Variants in CSMD2 observed in about 807,000 individuals in gnomAD.
The protein encoded by CSMD2 is CUB and Sushi multiple domains 2.
In CSMD2, 130 loss-of-function variants were observed where a neutral mutation model predicts 398.5. The observed-to-expected ratio is 0.33, with a 90% CI of 0.28 to 0.38. The LOEUF (loss-of-function observed/expected upper bound fraction) is 0.38, where lower values mean the gene tolerates loss of function less well. Ranked by LOEUF, CSMD2 falls within the 10% of genes least tolerant of loss-of-function variation. The pLI is 1.00. For missense variants in CSMD2, 3,829 were observed against 4,764.9 expected, an observed-to-expected ratio of 0.80 and a Z score of 5.78; for synonymous variants, 1,828 against 1,908.5, an observed-to-expected ratio of 0.96 and a Z score of 1.10.
At position 33,602,554 on chromosome 1, in the gene CSMD2, G is replaced by A. The variant is rs1387408603; in HGVS notation, c.6533-8C>T. The A allele has an allele frequency of 1.9e-6, 3 of 1,583,942 alleles. No individual in the cohort carries two copies. In the African/African-American group the frequency reaches 4.1e-5, roughly 21 times the overall value. On this transcript the variant is annotated splice_polypyrimidine_tract_variant and splice_region_variant and intron_variant, in intron 42 of 70. Transcript: ENST00000373381. The stretch of plus-strand genomic sequence containing the variant: ...TGTTCCCGCCACAAGGGACTGCCAG[G>A]GAGGGAACACAAACGTAAGTGCAGG...
intron 15 of CSMD2, among the ~76,000 whole-genome samples, chr1:33,734,452 G>A (rs1646818505): frequency 6.6e-6 from 1 of 152,038 alleles, no homozygotes; most frequent in South Asian, 2.1e-4. Context: ...TAATTCCCAG[G>A]CTCAAGCAAC....
intron 12 of CSMD2, among the ~76,000 whole-genome samples, chr1:33,774,963 G>T (rs1366645092): frequency 6.6e-6 from 1 of 152,188 alleles, no homozygotes; most frequent in African/African-American, 2.4e-5. Flanking sequence ...CTGCCCTCAA[G>T]AAATGAACAG....
chr1:33,794,642 G>A (rs1384638537), intron 10 of CSMD2, among the ~76,000 whole-genome samples: 1 of 152,194 alleles, frequency 6.6e-6, no homozygotes, highest in Non-Finnish European at 1.5e-5. Context: ...TAAAGTCAAC[G>A]GGGAGTTATG....
chr1:33,716,204 A>T, intron 20 of CSMD2, 82 bp downstream of exon 20: 1 of 1,187,762 alleles, frequency 8.4e-7, no homozygotes, highest in Non-Finnish European at 1.2e-6. Flanking sequence ...TCTATCTGCT[A>T]GGAAAACCAG....
chr1:33,842,216 A>G (rs1341048490), intron 6 of CSMD2, among the ~76,000 whole-genome samples: 1 of 152,172 alleles, frequency 6.6e-6, no homozygotes, highest in Non-Finnish European at 1.5e-5. Flanking sequence ...CTAACTAGCC[A>G]TGAGTCCAGT....
intron 2 of CSMD2, among the ~76,000 whole-genome samples, chr1:34,067,123 T>C (rs1655202896): frequency 6.6e-6 from 1 of 152,150 alleles, no homozygotes; most frequent in Non-Finnish European, 1.5e-5. Flanking sequence ...GGACTCCAGA[T>C]ACAAGCTCCC....
chr1:33,610,234 T>G (rs1640903761), intron 41 of CSMD2, among the ~76,000 whole-genome samples: 1 of 152,150 alleles, frequency 6.6e-6, no homozygotes, highest in Non-Finnish European at 1.5e-5. Flanking sequence ...AGATTTTTTT[T>G]TTTTTTTTTA....
At chr1:34,129,377 C>A (rs143529484) in intron 1 of CSMD2, among the ~76,000 whole-genome samples, 1 of 152,298 alleles carries the variant, frequency 6.6e-6, no homozygotes, top group African/African-American at 2.4e-5. Flanking sequence ...ATAGGCTGGG[C>A]GCAGTGGCTC....
chr1:33,728,008 G>T (rs1646595909), intron 15 of CSMD2, among the ~76,000 whole-genome samples: 1 of 152,210 alleles, frequency 6.6e-6, no homozygotes, highest in Non-Finnish European at 1.5e-5. Context: ...AAAATCCCCT[G>T]TGAGGTTGGT....
chr1:33,614,487 G>A lies in CSMD2; in HGVS notation c.6133+17C>T, dbSNP rs1369106694. ...TGGGCTTGAAGCCTGTCTCCTCTGG[G>A]GGCTGCAGAGACTTACCAAAGCCCA... On this transcript the variant is annotated intron_variant, in intron 40 of 70. Coordinates refer to ENST00000373381, the MANE Select transcript of CSMD2 (RefSeq NM_001281956.2). The A allele has an allele frequency of 1.4e-6, 2 of 1,385,730 alleles. No homozygotes were observed. Among genetic ancestry groups the A allele is most frequent in the Non-Finnish European group, 2.1e-6 (2 of 972,158 alleles). The allele number at this position is 1,385,730 out of a possible 1,614,324, so 85.8% of individuals were successfully genotyped here. A position where few individuals can be genotyped will look rare whatever the true frequency, so the allele number is the denominator to read the frequency against.
At chr1:34,148,498 C>A (rs908831083) in intron 1 of CSMD2, among the ~76,000 whole-genome samples, 1 of 151,978 alleles carries the variant, frequency 6.6e-6, no homozygotes, top group African/African-American at 2.4e-5. Flanking sequence ...GTAATTCATT[C>A]ATTCATTCAT....
intron 25 of CSMD2, among the ~76,000 whole-genome samples, chr1:33,689,735 G>A (rs966295410): frequency 1.1e-4 from 16 of 152,256 alleles, no homozygotes; most frequent in South Asian, 8.3e-4. Flanking sequence ...CTCTTTAGAC[G>A]ATGTGTGCCA....
intron 55 of CSMD2, among the ~76,000 whole-genome samples, chr1:33,552,548 A>G (rs942658036): frequency 2.0e-5 from 3 of 152,232 alleles, no homozygotes; most frequent in African/African-American, 7.2e-5. Context: ...TCATCTATCA[A>G]TTGTCGAATG....
At chr1:34,077,242 G>T (rs2148320592) in intron 2 of CSMD2, among the ~76,000 whole-genome samples, 1 of 151,796 alleles carries the variant, frequency 6.6e-6, no homozygotes, top group African/African-American at 2.4e-5. Context: ...TGGATCACAA[G>T]GTCAGGAGAT....
At chr1:33,827,217 C>T (rs1325004193) in intron 6 of CSMD2, among the ~76,000 whole-genome samples, 1 of 152,196 alleles carries the variant, frequency 6.6e-6, no homozygotes, top group East Asian at 1.9e-4. Context: ...AACCATATTA[C>T]ATCTCTGCTC....
chr1:33,759,390 A>G (rs568272996), intron 13 of CSMD2, among the ~76,000 whole-genome samples: 14 of 146,392 alleles, frequency 9.6e-5, no homozygotes, highest in African/African-American at 3.6e-4. Context: ...CAGTGGCGCA[A>G]TCTCTGCTCA....
rs544712684 is a variant in CSMD2 at position 34,092,430 on chromosome 1, C to T, written c.188-3237G>A. Among the ~76,000 whole-genome samples the T allele has an allele frequency of 2.1e-3, 318 of 152,250 alleles. 2 individuals carry two copies. The highest frequency in any genetic ancestry group is 3.8e-3 in the Non-Finnish European group (256 of 68,012). The stretch of plus-strand genomic sequence containing the variant: ...CCAAGATGGCCGAATAGGAACAGCT[C>T]CCGTCCACAGCTCCCAGCGTGAGCG... On this transcript the variant is annotated intron_variant, in intron 1 of 70. Coordinates refer to ENST00000373381, the MANE Select transcript of CSMD2 (RefSeq NM_001281956.2).
At chr1:33,792,832 G>A (rs530677154) in intron 10 of CSMD2, among the ~76,000 whole-genome samples, 3 of 152,166 alleles carry the variant, frequency 2.0e-5, no homozygotes, top group Non-Finnish European at 2.9e-5. Context: ...CTTTCTTCAC[G>A]CCTTAATGCA....
At chr1:34,062,746 G>C (rs1429466325) in intron 2 of CSMD2, among the ~76,000 whole-genome samples, 2 of 152,180 alleles carry the variant, frequency 1.3e-5, no homozygotes, top group Non-Finnish European at 2.9e-5. Flanking sequence ...GCTGGTGTTT[G>C]AGACTCTGCT....
Sources: allele counts gnomAD v4.1 joint callset (sites outside exome capture counted in the v4.1 genomes callset), GRCh38; gene constraint gnomAD v4.1.1; transcripts MANE v1.5; gene names NCBI Gene and HGNC (gene_info 2026-07-23, HGNC 2026-07-21).